Variants in MACF1 observed in about 807,000 individuals in gnomAD.
The protein encoded by MACF1 is microtubule actin crosslinking factor 1.
Under a neutral mutation model 854.8 loss-of-function variants are expected in MACF1, and 193 were observed. The observed-to-expected ratio is 0.23, with a 90% CI of 0.20 to 0.25. MACF1 has a LOEUF of 0.25. Ranked by LOEUF, MACF1 falls within the 10% of genes least tolerant of loss-of-function variation. The pLI is 1.00. For synonymous variants in MACF1, 3,185 were observed against 3,226.7 expected (o/e 0.99, Z 0.44); for missense variants, 7,722 against 8,929.1 (o/e 0.86, Z 5.45).
rs750546685 is a variant in MACF1, at chr1:39,357,515, G to C, written c.11565G>C (p.Lys3855Asn). ...QMLQQKLGEL[K>N]EQYSTSLAQS... ...TGCAACAGAAGCTGGGAGAGCTAAA[G>C]GAACAATACTCTACTTCCCTGGCCC... The change falls in exon 45 of 101, where the codon AAG becomes AAC. Residue 3855 changes from lysine to asparagine, a missense_variant. Physicochemically the swap from Lys to Asn is moderately conservative, Grantham distance 94. This residue lies in a region of MACF1 where 2,807 missense variants were observed against 3,235.8 expected (regional missense o/e 0.87). Transcript: ENST00000564288. The C allele has an allele frequency of 2.5e-6, 4 of 1,614,136 alleles. No homozygotes were observed. Among genetic ancestry groups the C allele is most frequent in the Non-Finnish European group, 2.5e-6 (3 of 1,180,034 alleles).
rs779887669 is a variant in MACF1, at chr1:39,442,826, G to A, written c.19217G>A (p.Arg6406His). ...GATGATGCCAGCAGCTTAAGGAGCC[G>A]TTTGGAAGCCATGAACCAATGCTGG... ...AGDDASSLRS[R>H]LEAMNQCWES... The change falls in exon 78 of 101, where the codon CGT (arginine) becomes CAT (histidine). Residue 6406 changes from arginine (R) to histidine (H), a missense_variant. Arg to His is a conservative substitution (Grantham distance 29). Around this residue, in one of 15 missense-constraint regions of MACF1, gnomAD observed 729 missense variants for 900.5 expected, o/e 0.81. Coordinates refer to ENST00000564288, the MANE Select transcript of MACF1 (RefSeq NM_001394062.1). The A allele has an allele frequency of 1.4e-5, 22 of 1,614,002 alleles. No individual in the cohort carries two copies. Among genetic ancestry groups the A allele is most frequent in the Admixed American group, 1.7e-5 (1 of 60,010 alleles).
At chr1:39,408,951 C>CCGCCCT (rs879362922) in intron 58 of MACF1, among the ~76,000 whole-genome samples, 9,189 of 151,918 alleles carry the variant, frequency 0.06, 398 homozygotes, top group African/African-American at 0.11. Flanking sequence ...GGCCCCGCCC[C>CCGCCCT]CGCCCTCGTC....
rs1386009364 is a variant in MACF1 at position 39,369,929 on chromosome 1, G to A, written c.12939-101G>A. On this transcript the variant is annotated intron_variant, in intron 50 of 100. Transcript: ENST00000564288. The stretch of plus-strand genomic sequence containing the variant: ...AAAGATTATGAGAAAGAAAGGCCAT[G>A]TTAGGTAACTGATGTCTGGAGTCAC... 9.4e-6 allele frequency: 10 copies of A among 1,062,462 alleles called. No homozygotes were observed. The Admixed American group carries it at 9.5e-5, about 10-fold the overall frequency. The allele number at this position is 1,062,462 out of a possible 1,614,324, so 65.8% of individuals were successfully genotyped here.
intron 6 of MACF1, among the ~76,000 whole-genome samples, chr1:39,261,598 TA>T (rs1284202721): frequency 5.3e-5 from 8 of 152,222 alleles, no homozygotes; most frequent in Non-Finnish European, 1.2e-4. Flanking sequence ...CTTAACATAA[TA>T]TTTTTTGGTT....
chr1:39,252,794 T>A (rs1029644508), intron 4 of MACF1, among the ~76,000 whole-genome samples: 5 of 152,220 alleles, frequency 3.3e-5, no homozygotes, highest in Non-Finnish European at 7.3e-5. Context: ...AACCTTTGAC[T>A]GAAGAAGTTA....
chr1:39,089,465 C>T (rs539232678), intron 2 of MACF1, among the ~76,000 whole-genome samples: 1 of 152,342 alleles, frequency 6.6e-6, no homozygotes, highest in Non-Finnish European at 1.5e-5. Flanking sequence ...ACAATTGTCT[C>T]TCTGCACAGC....
At position 39,432,585 on chromosome 1, in the gene MACF1, G is replaced by A. The variant is rs1304804210; in HGVS notation, c.17388G>A (p.Arg5796=). The A allele has an allele frequency of 1.9e-6, 3 of 1,614,102 alleles. No individual in the cohort carries two copies. Among genetic ancestry groups the A allele is most frequent in the Non-Finnish European group, 2.5e-6 (3 of 1,179,980 alleles). ...AELAWVAETK[R]KLMALGPIRL... is the part of the protein sequence containing the mutation. ...TAGCTTGGGTTGCTGAAACAAAACG[G>A]AAACTGATGGCTCTGGGTCCAATTC... The change falls in exon 67 of 101, where the codon CGG becomes CGA. Residue 5796 remains arginine, a synonymous_variant. Coordinates refer to ENST00000564288, the MANE Select transcript of MACF1 (RefSeq NM_001394062.1).
At position 39,429,837 on chromosome 1, in the gene MACF1, G is replaced by C. The variant is rs762096403; in HGVS notation, c.16899G>C (p.Val5633=). Residue 5633 remains valine (V), a synonymous_variant, in exon 65 of 101, where the codon GTG becomes GTC. Transcript: ENST00000564288. ...TGCTATCTTCCATAGGTGAGGAGGT[G>C]TTACTTATCCAGGAAAAACTAGATG... The part of the protein sequence containing the change: ...ALLKQTTGEE[V]LLIQEKLDGI... The C allele has an allele frequency of 5.6e-6, 9 of 1,613,976 alleles. No homozygotes were observed. Among genetic ancestry groups the C allele is most frequent in the African/African-American group, 5.3e-5 (4 of 75,008 alleles).
intron 58 of MACF1, among the ~76,000 whole-genome samples, chr1:39,391,204 T>C (rs1254088837): frequency 6.6e-6 from 1 of 152,178 alleles, no homozygotes; most frequent in African/African-American, 2.4e-5. Flanking sequence ...TTTCTAAATA[T>C]GTATTATGCA....
chr1:39,426,550 TCTCCAATATCCA>T (rs1643732970), intron 61 of MACF1, among the ~76,000 whole-genome samples: 3 of 152,214 alleles, frequency 2.0e-5, no homozygotes, highest in African/African-American at 7.2e-5. Context: ...TGTCAGGCTA[TCTCCAATATCCA>T]GACTTCCTCC....
At chr1:39,186,183 TCTCTCTCTCTC>T (rs1312788113) in intron 2 of MACF1, among the ~76,000 whole-genome samples, 3 of 57,862 alleles carry the variant, frequency 5.2e-5, no homozygotes, top group Admixed American at 1.8e-4. Flanking sequence ...TCTCTCTCTC[TCTCTCTCTCTC>T]TCTCTCTCTC....
chr1:39,354,433 C>T (rs553598362), intron 44 of MACF1, among the ~76,000 whole-genome samples: 43 of 152,174 alleles, frequency 2.8e-4, no homozygotes, highest in African/African-American at 1.0e-3. Flanking sequence ...GAGACAGAGT[C>T]TTGCTCTGTT....
intron 2 of MACF1, among the ~76,000 whole-genome samples, chr1:39,158,108 A>G (rs532096442): frequency 2.6e-4 from 40 of 152,224 alleles, no homozygotes; most frequent in Admixed American, 2.5e-3. Flanking sequence ...ACCTGTGACT[A>G]TTGGGATGGT....
chr1:39,394,560 T>C (rs975908739), intron 58 of MACF1, among the ~76,000 whole-genome samples: 2 of 151,952 alleles, frequency 1.3e-5, no homozygotes, highest in African/African-American at 4.8e-5. Context: ...GAGGCAGAAG[T>C]TGCAGTGAGC....
chr1:39,182,785 T>C (rs956948309), intron 2 of MACF1, among the ~76,000 whole-genome samples: 34 of 152,206 alleles, frequency 2.2e-4, no homozygotes, highest in Non-Finnish European at 4.3e-4. Flanking sequence ...GAAAACAGTT[T>C]GGTGGTTCTT....
In MACF1 at chr1:39,251,910, A is replaced by T. The variant is rs1645043899; in HGVS notation, c.326A>T (p.Glu109Val). ...CCCTCCTGGTGCCATACAAACAACGAGGAGCAGGCGGAGGAAGATGATGAT... is the reference window on the plus strand; with the variant it reads ...CCCTCCTGGTGCCATACAAACAACGTGGAGCAGGCGGAGGAAGATGATGAT... ...SMPSWCHTNN[E>V]EQAEEDDDDV... The change falls in exon 4 of 101, where the codon GAG (glutamate) becomes GTG (valine). Residue 109 changes from glutamate to valine, a missense_variant. Glu to Val is a moderately radical substitution (Grantham distance 121, BLOSUM62 -2). Around this residue, in one of 15 missense-constraint regions of MACF1, gnomAD observed 82 missense variants for 84.0 expected, o/e 0.98. Transcript: ENST00000564288. 1.3e-6 allele frequency: 2 copies of T among 1,519,950 alleles called. No homozygotes were observed. The highest frequency in any genetic ancestry group is 4.1e-5 in the Admixed American group (2 of 49,262). 94.2% of individuals were successfully genotyped at this position (1,519,950 alleles called of 1,614,324 possible). A position where few individuals can be genotyped will look rare whatever the true frequency, so the allele number is the denominator to read the frequency against.
intron 80 of MACF1, among the ~76,000 whole-genome samples, chr1:39,445,670 T>C (rs565681634): frequency 6.6e-6 from 1 of 152,336 alleles, no homozygotes; most frequent in East Asian, 1.9e-4. Flanking sequence ...ATGCTAATTC[T>C]TGGACAGAGT....
At chr1:39,440,807 A>T (rs1644099600) in intron 72 of MACF1, among the ~76,000 whole-genome samples, 196 bp from the exon 73 acceptor site, 1 of 152,168 alleles carries the variant, frequency 6.6e-6, no homozygotes, top group Non-Finnish European at 1.5e-5. Context: ...TTATATATAC[A>T]TATACCTATA....
At chr1:39,202,892 C>T (rs1447737888), upstream of MACF1, among the ~76,000 whole-genome samples, 1 of 152,104 alleles carries the variant, frequency 6.6e-6, no homozygotes, top group Non-Finnish European at 1.5e-5. Flanking sequence ...TGTAGGTTAG[C>T]ACAAAATTGT....
Sources: allele counts gnomAD v4.1 joint callset (sites outside exome capture counted in the v4.1 genomes callset), GRCh38; gene constraint gnomAD v4.1.1; regional missense constraint gnomAD v4.1.1; transcripts MANE v1.5; gene names NCBI Gene and HGNC (gene_info 2026-07-23, HGNC 2026-07-21).